Variants in NLK observed in about 807,000 individuals in gnomAD.
The protein encoded by NLK is serine/threonine-protein kinase NLK.
In NLK, 11 loss-of-function variants were observed where a neutral mutation model predicts 59.0. The ratio of observed to expected loss-of-function variants is 0.19; its 90% CI spans 0.12 to 0.31. The LOEUF is 0.31. NLK is among the 10% of genes least tolerant of loss of function. The pLI, the probability that NLK is intolerant of heterozygous loss-of-function variation, is 1.00. For missense variants in NLK, 410 were observed against 661.1 expected (o/e 0.62, Z 4.16); for synonymous variants, 235 against 235.9 (o/e 1.00, Z 0.03).
At chr17:28,057,018 G>A (rs999677403) in intron 1 of NLK, among the ~76,000 whole-genome samples, 1 of 145,906 alleles carries the variant, frequency 6.9e-6, no homozygotes. Context: ...GCAATGGCGC[G>A]ATCTTGGCTC....
At chr17:28,044,420 T>C (rs1412122544) in intron 1 of NLK, among the ~76,000 whole-genome samples, 1 of 152,214 alleles carries the variant, frequency 6.6e-6, no homozygotes, top group Non-Finnish European at 1.5e-5. Context: ...GTGCATTGTT[T>C]ATGCATTTTA....
chr17:28,145,128 G>A (rs1375336265), intron 3 of NLK, among the ~76,000 whole-genome samples: 2 of 152,174 alleles, frequency 1.3e-5, no homozygotes, highest in African/African-American at 4.8e-5. Context: ...GAGGTGGCAA[G>A]AGAACCAGAT....
At position 28,140,826 on chromosome 17, in the gene NLK, A is replaced by G. The variant is rs555873096; in HGVS notation, c.644+8151A>G. Among the ~76,000 whole-genome samples the G allele has an allele frequency of 2.6e-5, 4 of 152,064 alleles. No homozygotes were observed. The South Asian group carries it at 8.3e-4, about 32-fold the overall frequency. On this transcript the variant is annotated intron_variant, in intron 3 of 10. Transcript: ENST00000407008. Reference sequence around the variant, plus strand: ...CCCCAAAAAAGAGCTGGGAAGACTTACCTGCAACTTAATAATTTTCATAGA... The same window carrying G: ...CCCCAAAAAAGAGCTGGGAAGACTTGCCTGCAACTTAATAATTTTCATAGA...
chr17:28,137,184 A>T (rs957866974), intron 3 of NLK, among the ~76,000 whole-genome samples: 1 of 152,172 alleles, frequency 6.6e-6, no homozygotes, highest in Admixed American at 6.5e-5. Flanking sequence ...TATTGTGTCT[A>T]CAGATTTTAC....
chr17:28,189,134 G>A (rs906879778), intron 8 of NLK, among the ~76,000 whole-genome samples: 1 of 151,872 alleles, frequency 6.6e-6, no homozygotes, highest in Non-Finnish European at 1.5e-5. Flanking sequence ...TATCCCCAAG[G>A]GAAAAAAGAC....
chr17:28,163,308 A>G (rs2142049652), intron 4 of NLK, among the ~76,000 whole-genome samples: 1 of 152,316 alleles, frequency 6.6e-6, no homozygotes, highest in Admixed American at 6.5e-5. Context: ...AAACCTACAT[A>G]ATTGTTTAAA....
At position 28,151,387 on chromosome 17, in the gene NLK, T is replaced by C. The variant is rs34186309; in HGVS notation, c.645-9773T>C. ...TTATTTTCCAAAGAAAATTTTAAAA[T>C]GTTGGCCTGGTTGTCTCATTGTTTT... On this transcript the variant is annotated intron_variant, in intron 3 of 10. Coordinates refer to ENST00000407008, the MANE Select transcript of NLK (RefSeq NM_016231.5). Among the ~76,000 whole-genome samples the C allele has an allele frequency of 6.6e-3, 1,000 of 152,284 alleles. 17 individuals are homozygous for C. The highest frequency in any genetic ancestry group is 0.022 in the African/African-American group (934 of 41,550).
At chr17:28,060,779 A>G (rs1909606036) in intron 1 of NLK, among the ~76,000 whole-genome samples, 1 of 152,238 alleles carries the variant, frequency 6.6e-6, no homozygotes, top group South Asian at 2.1e-4. Flanking sequence ...AGATGTAGTG[A>G]AACACACACA....
intron 4 of NLK, among the ~76,000 whole-genome samples, chr17:28,162,931 GAAAAGAAA>G (rs1908073260): frequency 6.7e-6 from 1 of 150,334 alleles, no homozygotes; most frequent in African/African-American, 2.5e-5. Flanking sequence ...AAAAAAAAAA[GAAAAGAAA>G]AAAAGAAAAA....
intron 2 of NLK, among the ~76,000 whole-genome samples, chr17:28,128,013 C>G (rs76363731): frequency 0.017 from 2,565 of 151,852 alleles, 83 homozygotes; most frequent in African/African-American, 0.059. Flanking sequence ...ATAATCCAGT[C>G]GGGAATGGAT....
At chr17:28,156,484 G>A (rs78707282) in intron 3 of NLK, among the ~76,000 whole-genome samples, 2,681 of 152,216 alleles carry the variant, frequency 0.018, 28 homozygotes, top group Non-Finnish European at 0.029. Context: ...AAGTTCACAC[G>A]TATGTATGGT....
chr17:28,200,841 C>T (rs889663863), downstream of NLK, among the ~76,000 whole-genome samples: 3 of 152,124 alleles, frequency 2.0e-5, no homozygotes, highest in Admixed American at 6.5e-5. Context: ...CATGCACATC[C>T]GTTTTAACGC....
intron 5 of NLK, 149 bp downstream of exon 5, chr17:28,163,777 T>C (rs1196185136): frequency 3.5e-6 from 2 of 576,426 alleles, no homozygotes; most frequent in East Asian, 5.9e-5. Context: ...CTCATAGCCA[T>C]GGTAATAATT....
chr17:28,193,822 C>T (rs1401399597), intron 10 of NLK, among the ~76,000 whole-genome samples: 1 of 152,134 alleles, frequency 6.6e-6, no homozygotes, highest in Non-Finnish European at 1.5e-5. Flanking sequence ...AATTAAGTTG[C>T]ACTTTTACTT....
chr17:28,179,878 T>TG (rs1347209853), intron 7 of NLK, among the ~76,000 whole-genome samples: 6 of 148,138 alleles, frequency 4.1e-5, no homozygotes, highest in South Asian at 2.2e-4. Context: ...CTTGGTTTTT[T>TG]TTTTTTTTTT....
At chr17:28,143,294 G>A (rs1164109019) in intron 3 of NLK, among the ~76,000 whole-genome samples, 2 of 151,950 alleles carry the variant, frequency 1.3e-5, no homozygotes, top group East Asian at 1.9e-4. Flanking sequence ...CGCCCGCCTC[G>A]GCCTCCCAAA....
At chr17:28,080,417 C>CA (rs899189443) in intron 1 of NLK, among the ~76,000 whole-genome samples, 2 of 151,616 alleles carry the variant, frequency 1.3e-5, no homozygotes, top group East Asian at 1.9e-4. Context: ...CCATCTCTAC[C>CA]AAAAAAAAGA....
At chr17:28,184,685 C>T (rs1002892030) in intron 7 of NLK, among the ~76,000 whole-genome samples, 2 of 152,174 alleles carry the variant, frequency 1.3e-5, no homozygotes, top group East Asian at 1.9e-4. Flanking sequence ...TGGTGGCTCA[C>T]GCCTGTAATC....
chr17:28,130,764 A>G (rs892058478), intron 2 of NLK, among the ~76,000 whole-genome samples: 2 of 152,198 alleles, frequency 1.3e-5, no homozygotes, highest in African/African-American at 4.8e-5. Flanking sequence ...GTAAAACACT[A>G]ATTTCTAACT....
Sources: allele counts gnomAD v4.1 joint callset (sites outside exome capture counted in the v4.1 genomes callset), GRCh38; gene constraint gnomAD v4.1.1; transcripts MANE v1.5; gene names NCBI Gene and HGNC (gene_info 2026-07-23, HGNC 2026-07-21).